RBFOX1: variants seen among roughly 807,000 people sequenced by gnomAD.
The protein encoded by RBFOX1 is RNA binding protein fox-1 homolog 1.
RBFOX1 carries 8 observed loss-of-function variants against 57.7 expected under a neutral mutation model. That is an observed-to-expected ratio of 0.14 (90% CI 0.08 to 0.25). The LOEUF (loss-of-function observed/expected upper bound fraction) is 0.25. Ranked by LOEUF, RBFOX1 falls within the 10% of genes least tolerant of loss-of-function variation. The pLI, the probability that RBFOX1 is intolerant of heterozygous loss-of-function variation, is 1.00. For synonymous variants in RBFOX1, 326 were observed against 222.4 expected (o/e 1.47, Z -4.15); for missense variants, 611 against 548.5 (o/e 1.11, Z -1.14).
At chr16:5,428,897 A>C (rs1429870843) in intron 1 of RBFOX1, among the ~76,000 whole-genome samples, 2 of 152,114 alleles carry the variant, frequency 1.3e-5, no homozygotes, top group Non-Finnish European at 2.9e-5. Flanking sequence ...TGTTTTGTTC[A>C]AATATTTACT....
intron 2 of RBFOX1, among the ~76,000 whole-genome samples, chr16:6,602,826 G>T (rs1471260254): frequency 6.6e-6 from 1 of 152,098 alleles, no homozygotes; most frequent in African/African-American, 2.4e-5. Flanking sequence ...AAAGACAACT[G>T]GAGCTCATGC....
chr16:7,577,853 C>G (rs1298868386), intron 5 of RBFOX1, among the ~76,000 whole-genome samples: 1 of 152,192 alleles, frequency 6.6e-6, no homozygotes, highest in Non-Finnish European at 1.5e-5. Flanking sequence ...CGTGATTGTG[C>G]CATGGCATTC....
chr16:5,751,435 A>G (rs1334079331), intron 3 of RBFOX1, among the ~76,000 whole-genome samples: 2 of 152,192 alleles, frequency 1.3e-5, no homozygotes, highest in Admixed American at 6.5e-5. Flanking sequence ...TCTCCACCCA[A>G]TAGAGAAGTT....
chr16:7,560,249 G>C (rs191692551), intron 5 of RBFOX1, among the ~76,000 whole-genome samples: 3 of 152,180 alleles, frequency 2.0e-5, no homozygotes, highest in Non-Finnish European at 4.4e-5. Context: ...CCCCCTATGG[G>C]GGGTGGACTT....
chr16:6,142,036 G>C (rs1467720858), intron 1 of RBFOX1, among the ~76,000 whole-genome samples: 1 of 138,034 alleles, frequency 7.2e-6, no homozygotes, highest in Admixed American at 7.2e-5. Flanking sequence ...TCCAGCCTGG[G>C]TGAGCTCAAA....
At chr16:6,889,837 C>G (rs570694518) in intron 3 of RBFOX1, among the ~76,000 whole-genome samples, 1 of 152,184 alleles carries the variant, frequency 6.6e-6, no homozygotes, top group African/African-American at 2.4e-5. Context: ...ACAGACACAG[C>G]AGGAAACAAG....
intron 3 of RBFOX1, among the ~76,000 whole-genome samples, chr16:6,804,863 A>G (rs978118159): frequency 6.6e-6 from 1 of 152,140 alleles, no homozygotes; most frequent in Non-Finnish European, 1.5e-5. Flanking sequence ...AGTCAATTTC[A>G]TTCTTAAAAA....
At chr16:7,053,517 A>G (rs917645797) in intron 4 of RBFOX1, among the ~76,000 whole-genome samples, 2 of 152,238 alleles carry the variant, frequency 1.3e-5, no homozygotes, top group Non-Finnish European at 2.9e-5. Flanking sequence ...AAAGAGAAAT[A>G]TGTGCCTTTG....
chr16:6,120,132 A>G (rs900702262), intron 1 of RBFOX1, among the ~76,000 whole-genome samples: 4 of 152,162 alleles, frequency 2.6e-5, no homozygotes, highest in Admixed American at 2.6e-4. Context: ...ATTCCCTTTT[A>G]TGGCTGAATA....
chr16:6,021,356 G>T (rs979322919), intron 1 of RBFOX1, among the ~76,000 whole-genome samples: 1 of 151,882 alleles, frequency 6.6e-6, no homozygotes, highest in Non-Finnish European at 1.5e-5. Context: ...ACAAAAGAGA[G>T]AAAAAAAAGA....
intron 2 of RBFOX1, among the ~76,000 whole-genome samples, chr16:6,383,680 G>T (rs1317071752): frequency 6.6e-6 from 1 of 151,986 alleles, no homozygotes; most frequent in Non-Finnish European, 1.5e-5. Flanking sequence ...TGAGGCAGGA[G>T]AATTGCATGA....
chr16:6,970,482 G>T (rs902917245), intron 3 of RBFOX1, among the ~76,000 whole-genome samples: 2 of 152,142 alleles, frequency 1.3e-5, no homozygotes, highest in Non-Finnish European at 2.9e-5. Flanking sequence ...ATTGCTCACA[G>T]TTCTGGAAGC....
intron 3 of RBFOX1, among the ~76,000 whole-genome samples, chr16:6,940,329 G>A (rs2078149198): frequency 6.6e-6 from 1 of 152,186 alleles, no homozygotes; most frequent in Admixed American, 6.5e-5. Flanking sequence ...CTAGGTTTTG[G>A]GAGATGCTTA....
chr16:7,292,288 C>G (rs1032312890), intron 4 of RBFOX1, among the ~76,000 whole-genome samples: 20 of 119,652 alleles, frequency 1.7e-4, no homozygotes, highest in Admixed American at 2.9e-4. Context: ...TATCATATAT[C>G]ATATATGATA....
intron 4 of RBFOX1, among the ~76,000 whole-genome samples, chr16:7,504,736 TATATATATA>T (rs1567553749): frequency 2.0e-4 from 2 of 10,116 alleles, no homozygotes; most frequent in African/African-American, 5.3e-4. Flanking sequence ...TATATATATA[TATATATATA>T]TATATATATT....
chr16:6,935,886 C>T (rs76016011), intron 3 of RBFOX1, among the ~76,000 whole-genome samples: 3,218 of 152,254 alleles, frequency 0.021, 65 homozygotes, highest in African/African-American at 0.056. Context: ...CTAGCCTGCA[C>T]ATCGGTTGCT....
intron 2 of RBFOX1, among the ~76,000 whole-genome samples, chr16:6,332,097 T>A (rs12927051): frequency 0.17 from 25,273 of 152,186 alleles, 2,560 homozygotes; most frequent in South Asian, 0.28. Context: ...TTTAGTTAGA[T>A]GTAAATGGAA....
At chr16:7,533,963 A>G (rs2080819288) in intron 5 of RBFOX1, among the ~76,000 whole-genome samples, 1 of 152,186 alleles carries the variant, frequency 6.6e-6, no homozygotes, top group African/African-American at 2.4e-5. Flanking sequence ...ACCTCATTTT[A>G]AAGATAAGGA....
chr16:6,171,139 G>C (rs1030144666), intron 1 of RBFOX1, among the ~76,000 whole-genome samples: 1 of 152,130 alleles, frequency 6.6e-6, no homozygotes, highest in African/African-American at 2.4e-5. Context: ...TGGTAGTTCT[G>C]TTTTTAGGTA....
Sources: allele counts gnomAD v4.1 joint callset (sites outside exome capture counted in the v4.1 genomes callset), GRCh38; gene constraint gnomAD v4.1.1; transcripts MANE v1.5; gene names NCBI Gene and HGNC (gene_info 2026-07-23, HGNC 2026-07-21).